Variants in LDAH observed in about 807,000 individuals in gnomAD.
LDAH encodes lipid droplet associated hydrolase, also known as lipid droplet-associated hydrolase.
In LDAH, 26 loss-of-function variants were observed where a neutral mutation model predicts 29.6. The ratio of observed to expected loss-of-function variants is 0.88; its 90% confidence interval spans 0.64 to 1.22. LDAH has a LOEUF of 1.22. Ranked by LOEUF, LDAH falls within the 50% of genes most tolerant of loss-of-function variation. The probability of loss-of-function intolerance (pLI) is 0.00; values close to 1 mark genes in which losing one functional copy is unlikely to be tolerated. For missense variants in LDAH, 344 were observed against 387.3 expected, an observed-to-expected ratio of 0.89 and a Z score of 0.94; for synonymous variants, 117 against 133.0, an observed-to-expected ratio of 0.88 and a Z score of 0.83.
At chr2:20,705,214 TTTA>T (rs1267752785) in intron 5 of LDAH, among the ~76,000 whole-genome samples, 1 of 152,224 alleles carries the variant, frequency 6.6e-6, no homozygotes, top group Admixed American at 6.5e-5. Flanking sequence ...TACCCTCAAG[TTTA>T]TTATCTTCCA....
intron 1 of LDAH, among the ~76,000 whole-genome samples, chr2:20,818,467 T>C (rs1425423004): frequency 6.6e-6 from 1 of 152,138 alleles, no homozygotes; most frequent in East Asian, 1.9e-4. Context: ...GCTGTAACTA[T>C]GGGTATCCAT....
intron 3 of LDAH, among the ~76,000 whole-genome samples, chr2:20,786,321 C>G (rs997576146): frequency 3.2e-4 from 49 of 152,080 alleles, no homozygotes; most frequent in African/African-American, 1.1e-3. Flanking sequence ...TCCCGAGTAG[C>G]TGGGAGTACA....
intron 5 of LDAH, among the ~76,000 whole-genome samples, chr2:20,702,626 T>G (rs1489787180): frequency 6.6e-6 from 1 of 152,200 alleles, no homozygotes; most frequent in African/African-American, 2.4e-5. Context: ...TTCTTTTCAT[T>G]AACAATCTGA....
At position 20,686,895 on chromosome 2, in the gene LDAH, A is replaced by T; in HGVS notation, c.*8T>A. ...TACTGGCAGTGGGGGCTTGTTCCTC[A>T]GGCCAATTTACATTTTGGACAAGTC... On this transcript the variant is annotated 3_prime_UTR_variant, in exon 7 of 7. Coordinates refer to ENST00000237822, the MANE Select transcript of LDAH (RefSeq NM_021925.4). 6.2e-7 allele frequency: 1 copy of T among 1,609,680 alleles called. No individual in the cohort carries two copies. The highest frequency in any genetic ancestry group is 8.5e-7 in the Non-Finnish European group (1 of 1,177,362).
chr2:20,769,851 T>G (rs1669283665), intron 4 of LDAH, among the ~76,000 whole-genome samples: 1 of 152,166 alleles, frequency 6.6e-6, no homozygotes, highest in Non-Finnish European at 1.5e-5. Flanking sequence ...TGAAAAAAAT[T>G]ATAATGTAGT....
intron 3 of LDAH, among the ~76,000 whole-genome samples, chr2:20,784,743 C>T (rs1450712141): frequency 6.6e-6 from 1 of 151,884 alleles, no homozygotes; most frequent in Non-Finnish European, 1.5e-5. Context: ...AAAAATTAGC[C>T]AGGTGTAGTG....
At chr2:20,724,613 C>A (rs1665887324) in intron 5 of LDAH, among the ~76,000 whole-genome samples, 1 of 152,144 alleles carries the variant, frequency 6.6e-6, no homozygotes, top group Admixed American at 6.5e-5. Context: ...CTGGCAGGTA[C>A]TGGTATAAAA....
At chr2:20,728,411 G>T (rs534436720) in intron 5 of LDAH, among the ~76,000 whole-genome samples, 1 of 152,194 alleles carries the variant, frequency 6.6e-6, no homozygotes, top group East Asian at 1.9e-4. Context: ...CCCTCTCTTT[G>T]TGTAACCATG....
At chr2:20,760,113 G>A (rs772133039) in intron 4 of LDAH, among the ~76,000 whole-genome samples, 8 of 152,002 alleles carry the variant, frequency 5.3e-5, no homozygotes, top group Non-Finnish European at 7.4e-5. Flanking sequence ...TTTTTTTTGA[G>A]GTGGGGAGAG....
intron 1 of LDAH, among the ~76,000 whole-genome samples, chr2:20,808,514 A>AT (rs1672241240): frequency 6.6e-6 from 1 of 152,056 alleles, no homozygotes; most frequent in Non-Finnish European, 1.5e-5. Flanking sequence ...ATACAAAAAA[A>AT]TTAGCCGGGC....
chr2:20,755,065 A>C (rs1485227011), intron 4 of LDAH, among the ~76,000 whole-genome samples: 1 of 152,048 alleles, frequency 6.6e-6, no homozygotes, highest in Non-Finnish European at 1.5e-5. Context: ...CTTTAGGGAT[A>C]AGGGGCAATA....
intron 5 of LDAH, among the ~76,000 whole-genome samples, chr2:20,737,678 T>C (rs1666883772): frequency 6.6e-6 from 1 of 152,178 alleles, no homozygotes; most frequent in Non-Finnish European, 1.5e-5. Context: ...TGAGGGTTTG[T>C]GACTTCCTGT....
intron 4 of LDAH, among the ~76,000 whole-genome samples, chr2:20,765,484 A>C (rs1558456906): frequency 6.6e-6 from 1 of 152,192 alleles, no homozygotes; most frequent in Non-Finnish European, 1.5e-5. Context: ...ACCTTGTTTA[A>C]ATTATCTACT....
rs1197298542 is a variant in LDAH at position 20,684,097 on chromosome 2, T to G, written c.*2806A>C. On this transcript the variant is annotated 3_prime_UTR_variant, in exon 7 of 7. Transcript: ENST00000237822. The stretch of plus-strand genomic sequence containing the variant: ...CTCAAACTTCCAAAAAATCTGCAAG[T>G]ACAAAGAACATTATTTTCCCCTCAA... 1 of 152,170 alleles carries G rather than the reference T, an allele frequency of 6.6e-6. No individual in the cohort carries two copies. Among genetic ancestry groups the G allele is most frequent in the Non-Finnish European group, 1.5e-5 (1 of 68,024 alleles). 9.4% of individuals were successfully genotyped at this position (152,170 alleles called of 1,614,324 possible).
chr2:20,690,693 G>A (rs889631343), intron 6 of LDAH, among the ~76,000 whole-genome samples: 26 of 152,106 alleles, frequency 1.7e-4, no homozygotes, highest in African/African-American at 6.0e-4. Context: ...TGGCACTGGC[G>A]GGGGATGGGG....
At chr2:20,802,717 C>T (rs757989598) in intron 1 of LDAH, among the ~76,000 whole-genome samples, 5 of 152,296 alleles carry the variant, frequency 3.3e-5, no homozygotes, top group South Asian at 4.1e-4. Flanking sequence ...AGTGCCCCTA[C>T]GCTTTTCTGC....
chr2:20,687,192 C>T (rs927641204), intron 6 of LDAH, 98 bp from the exon 7 acceptor site: 60 of 932,322 alleles, frequency 6.4e-5, no homozygotes, highest in Middle Eastern at 3.4e-4. Context: ...ACAGCACCTA[C>T]GCCTGACCCT....
intron 4 of LDAH, among the ~76,000 whole-genome samples, chr2:20,758,930 T>A (rs986938459): frequency 3.3e-5 from 5 of 152,254 alleles, no homozygotes; most frequent in Non-Finnish European, 7.3e-5. Flanking sequence ...GGTACCCAGA[T>A]AACCAGAATA....
At chr2:20,731,556 C>T (rs180773599) in intron 5 of LDAH, among the ~76,000 whole-genome samples, 73 of 152,240 alleles carry the variant, frequency 4.8e-4, no homozygotes, top group Non-Finnish European at 8.5e-4. Flanking sequence ...TTGAGTCTTC[C>T]AATCCATGAA....
Sources: gnomAD v4.1 joint callset for allele counts (sites outside exome capture counted in the v4.1 genomes callset) on GRCh38, gnomAD v4.1.1 for gene constraint, MANE v1.5 for transcripts, NCBI Gene and HGNC (gene_info 2026-07-23, HGNC 2026-07-21) for gene names.